The following TGM6 variants were observed in gnomAD, a reference collection of about 807,000 sequenced individuals.
The protein encoded by TGM6 is protein-glutamine gamma-glutamyltransferase 6.
In TGM6, 74 loss-of-function variants were observed where a neutral mutation model predicts 77.5. The ratio of observed to expected loss-of-function variants is 0.96; its 90% confidence interval spans 0.79 to 1.16. The LOEUF (loss-of-function observed/expected upper bound fraction) is 1.16. Ranked by LOEUF, TGM6 falls within the 50% of genes most tolerant of loss-of-function variation. The pLI is 0.00. For missense variants in TGM6, 968 were observed against 940.2 expected (o/e 1.03, Z -0.39); for synonymous variants, 383 against 378.9 (o/e 1.01, Z -0.12).
chr20:2,396,762 C>A, intron 4 of TGM6, 138 bp downstream of exon 4: 1 of 785,160 alleles, frequency 1.3e-6, no homozygotes, highest in Non-Finnish European at 2.2e-6. Context: ...CTCATTCATT[C>A]ATTCATCTAC....
intron 9 of TGM6, among the ~76,000 whole-genome samples, chr20:2,406,507 A>AAG (rs33957203): frequency 6.6e-6 from 1 of 150,424 alleles, no homozygotes; most frequent in Non-Finnish European, 1.5e-5. Flanking sequence ...AAAAAAAAAA[A>AAG]GTACATGAGG....
In TGM6 at chr20:2,405,756, G is replaced by A. The variant is rs116266409; in HGVS notation, c.1336+1933G>A. ...GATTTTTGTCCCCAAGTTCTGCAGA[G>A]GTTTTACAAGGCTGTGGCCCCCAAC... is the stretch of plus-strand genomic sequence containing the variant. On this transcript the variant is annotated intron_variant, in intron 9 of 12. Coordinates refer to ENST00000202625, the MANE Select transcript of TGM6 (RefSeq NM_198994.3). Among the ~76,000 whole-genome samples, 1,435 of 152,284 alleles carry A rather than the reference G, an allele frequency of 9.4e-3. 24 individuals are homozygous for A. Among genetic ancestry groups the A allele is most frequent in the African/African-American group, 0.033 (1,355 of 41,560 alleles).
intron 5 of TGM6, among the ~76,000 whole-genome samples, chr20:2,398,972 A>G (rs1239298664): frequency 6.6e-6 from 1 of 152,140 alleles, no homozygotes; most frequent in Admixed American, 6.5e-5. Flanking sequence ...GAGAATTAAC[A>G]TGAGTGACAA....
intron 10 of TGM6, among the ~76,000 whole-genome samples, chr20:2,428,193 A>T (rs2084901278): frequency 6.6e-6 from 1 of 152,176 alleles, no homozygotes; most frequent in Non-Finnish European, 1.5e-5. Flanking sequence ...GATTGAGAAG[A>T]ATGCGTATCC....
At chr20:2,431,133 C>T (rs1326913542) in intron 12 of TGM6, 106 bp downstream of exon 12, 2 of 1,448,666 alleles carry the variant, frequency 1.4e-6, no homozygotes, top group Middle Eastern at 1.9e-4. Context: ...TCTGGACACC[C>T]CAGGAACCAG....
chr20:2,386,757 G>A (rs2084599102), intron 1 of TGM6, among the ~76,000 whole-genome samples: 1 of 152,110 alleles, frequency 6.6e-6, no homozygotes, highest in South Asian at 2.1e-4. Context: ...TCTGTGATAA[G>A]GATGCAGATG....
At chr20:2,420,403 G>T (rs1257881464) in intron 10 of TGM6, among the ~76,000 whole-genome samples, 1 of 152,060 alleles carries the variant, frequency 6.6e-6, no homozygotes, top group South Asian at 2.1e-4. Flanking sequence ...CCACCACCAC[G>T]CCTCTCCTCC....
rs753473442 is a variant in TGM6, at chr20:2,395,162, A to G, written c.182-32A>G. On this transcript the variant is annotated intron_variant, in intron 2 of 12. Transcript: ENST00000202625. ...CTCTAAAGCTGGGTTTCCCAGGGGAAGGGTCTCCTGATTCCCTCTCCTCTC... is the reference window on the plus strand; with the variant it reads ...CTCTAAAGCTGGGTTTCCCAGGGGAGGGGTCTCCTGATTCCCTCTCCTCTC... The G allele has an allele frequency of 2.5e-6, 4 of 1,608,026 alleles. No individual in the cohort carries two copies. The South Asian group carries it at 3.3e-5, about 13-fold the overall frequency.
intron 4 of TGM6, among the ~76,000 whole-genome samples, chr20:2,397,431 T>C (rs1405283952): frequency 1.3e-5 from 2 of 152,168 alleles, no homozygotes; most frequent in Non-Finnish European, 2.9e-5. Flanking sequence ...AGGGAAGTTA[T>C]AGTGAAGAGT....
chr20:2,417,681 G>A, intron 10 of TGM6, 108 bp downstream of exon 10: 5 of 1,260,010 alleles, frequency 4.0e-6, no homozygotes, highest in Non-Finnish European at 4.5e-6. Flanking sequence ...CAGGAAGGAA[G>A]GGGACATTCC....
intron 10 of TGM6, among the ~76,000 whole-genome samples, chr20:2,422,949 CAAAA>C (rs3050737): frequency 8.8e-6 from 1 of 113,436 alleles, no homozygotes; most frequent in Admixed American, 9.0e-5. Flanking sequence ...GACTCTTTCT[CAAAA>C]AAAAAAAAAA....
At chr20:2,399,760 C>T (rs1188620090) in intron 6 of TGM6, 22 bp downstream of exon 6, 3 of 1,606,212 alleles carry the variant, frequency 1.9e-6, no homozygotes, top group African/African-American at 1.3e-5. Context: ...GAGAAGGGCC[C>T]CAGGGTACCT....
At chr20:2,381,003 G>A (rs754083180) in intron 1 of TGM6, 28 bp downstream of exon 1, 10 of 1,607,994 alleles carry the variant, frequency 6.2e-6, no homozygotes, top group South Asian at 1.1e-5. Context: ...GGGGCCTTGG[G>A]ACACCAGGGC....
rs549221923 is a variant in TGM6 at position 2,393,131 on chromosome 20, T to C, written c.8-1321T>C. ...TCTGTATATGCACGTTGCTAATATT[T>C]ATTTTTAAAGCCAAAATCTATACTC... On this transcript the variant is annotated intron_variant, in intron 1 of 12. Transcript: ENST00000202625. Among the ~76,000 whole-genome samples the C allele has an allele frequency of 3.7e-4, 56 of 152,376 alleles. 1 individual carries two copies. The South Asian group carries it at 0.011, about 30-fold the overall frequency.
chr20:2,428,654 TTATTATCAATAATAATA>T (rs1290685505), intron 10 of TGM6, among the ~76,000 whole-genome samples: 1 of 151,770 alleles, frequency 6.6e-6, no homozygotes, highest in East Asian at 1.9e-4. Context: ...GTTTTTGATA[TTATTATCAATAATAATA>T]TATTATCAAT....
Position 2,403,409 on chromosome 20 carries a change from C to A in TGM6, c.1002C>A (p.Val334=). The A allele has an allele frequency of 6.2e-7, 1 of 1,614,146 alleles. No individual in the cohort carries two copies. The highest frequency in any genetic ancestry group is 8.5e-7 in the Non-Finnish European group (1 of 1,180,034). The change falls in exon 8 of 13, where the codon GTC becomes GTA. Residue 334 remains valine, a synonymous_variant. Transcript: ENST00000202625. ...CTCTCTGTGGCAGGAATTTCCATGTCTGGAATGAGAGCTGGTTTGCCCGGC... is the reference window on the plus strand; with the variant it reads ...CTCTCTGTGGCAGGAATTTCCATGTATGGAATGAGAGCTGGTTTGCCCGGC... ...LTEDSMWNFH[V]WNESWFARQD... is the part of the protein sequence containing the mutation.
intron 10 of TGM6, 22 bp from the exon 11 acceptor site, chr20:2,430,424 C>T: frequency 6.2e-7 from 1 of 1,614,122 alleles, no homozygotes; most frequent in South Asian, 1.1e-5. Context: ...GCCCCAACTC[C>T]CACTTCTGCT....
At chr20:2,395,104 G>C in intron 2 of TGM6, 90 bp from the exon 3 acceptor site, 1 of 1,558,822 alleles carries the variant, frequency 6.4e-7, no homozygotes, top group East Asian at 2.3e-5. Flanking sequence ...GGGGGTGAAG[G>C]TGGGGCTTCC....
chr20:2,403,640 G>A lies in TGM6; in HGVS notation c.1153G>A (p.Ala385Thr). 7 of 1,614,214 alleles carry A rather than the reference G, an allele frequency of 4.3e-6. No homozygotes were observed. The highest frequency in any genetic ancestry group is 5.9e-6 in the Non-Finnish European group (7 of 1,180,050). ...CATCCGCGAGGGTGATGTGCACCTGGCTCACGATGGCCCCTTCGTGTTTGC... is the reference window on the plus strand; with the variant it reads ...CATCCGCGAGGGTGATGTGCACCTGACTCACGATGGCCCCTTCGTGTTTGC... ...TAIREGDVHL[A>T]HDGPFVFAEV... Residue 385 changes from alanine to threonine, a missense_variant, in exon 9 of 13, where the codon GCT (alanine) becomes ACT (threonine). By Grantham distance (58) the Ala-to-Thr change is moderately conservative. Transcript: ENST00000202625.
Sources: gnomAD v4.1 joint callset for allele counts (sites outside exome capture counted in the v4.1 genomes callset) on GRCh38, gnomAD v4.1.1 for gene constraint, MANE v1.5 for transcripts, NCBI Gene and HGNC (gene_info 2026-07-23, HGNC 2026-07-21) for gene names.